Variants in SLC12A1 observed in about 807,000 individuals in gnomAD.
SLC12A1 encodes Na-K-2Cl cotransporter.
Under a neutral mutation model 130.4 loss-of-function variants are expected in SLC12A1, and 89 were observed. That is an observed-to-expected ratio of 0.68 (90% CI 0.58 to 0.81). SLC12A1 has a LOEUF of 0.81. Among genes scored for constraint, SLC12A1 ranks in the 40% least tolerant of loss-of-function variants. The probability of loss-of-function intolerance (pLI) is 0.00; values close to 1 mark genes in which losing one functional copy is unlikely to be tolerated. For missense variants in SLC12A1, 1,310 were observed against 1,336.4 expected (o/e 0.98, Z 0.31); for synonymous variants, 499 against 460.0 (o/e 1.08, Z -1.09).
Position 48,234,961 on chromosome 15 carries a change from C to T in SLC12A1, c.1172C>T (p.Ala391Val). ...GTCTTTGCCATTTTTTTCCCAGCAG[C>T]TACTGGGATTCTTGCTGGTGCCAAT... ...FSVFAIFFPA[A>V]TGILAGANIS... The change falls in exon 9 of 27, where the codon GCT becomes GTT. Residue 391 changes from alanine to valine, a missense_variant. Transcript: ENST00000380993. The T allele has an allele frequency of 6.2e-7, 1 of 1,613,868 alleles. No homozygotes were observed. The highest frequency in any genetic ancestry group is 1.1e-5 in the South Asian group (1 of 91,074).
intron 26 of SLC12A1, among the ~76,000 whole-genome samples, chr15:48,302,482 CGG>C (rs2042244581): frequency 6.7e-6 from 1 of 150,202 alleles, no homozygotes; most frequent in Non-Finnish European, 1.5e-5. Context: ...TAGCCGGGCG[CGG>C]TGGCGGGCGC....
chr15:48,288,142 C>A lies in SLC12A1; in HGVS notation c.2729C>A (p.Thr910Lys), dbSNP rs376638457. The A allele has an allele frequency of 1.9e-6, 3 of 1,609,722 alleles. No homozygotes were observed. The highest frequency in any genetic ancestry group is 4.5e-5 in the East Asian group (2 of 44,832). Reference sequence around the variant, plus strand: ...TTTAAAAAGAAACAAGAAAAAGGCACAATTGATGTTTGGTGGTTGTTTGAT... The same window carrying A: ...TTTAAAAAGAAACAAGAAAAAGGCAAAATTGATGTTTGGTGGTTGTTTGAT... ...TQFKKKQEKG[T>K]IDVWWLFDDG... is the part of the protein sequence containing the mutation. The change falls in exon 22 of 27, where the codon ACA becomes AAA. Residue 910 changes from threonine to lysine, a missense_variant. Physicochemically the swap from Thr to Lys is moderately conservative, Grantham distance 78 (BLOSUM62 -1). Coordinates refer to ENST00000380993, the MANE Select transcript of SLC12A1 (RefSeq NM_000338.3).
At position 48,220,741 on chromosome 15, in the gene SLC12A1, G is replaced by A; in HGVS notation, c.528G>A (p.Lys176=). ...AAGATGATCAAGCTGGTGTTGTGAA[G>A]TTTGGATGGGTGAAAGGTGTGCTGG... ...NKEDDQAGVV[K]FGWVKGVLVR... is the part of the protein sequence containing the mutation. Residue 176 remains lysine, a synonymous_variant, in exon 3 of 27, where the codon AAG becomes AAA. Transcript: ENST00000380993. 1.9e-6 allele frequency: 3 copies of A among 1,613,962 alleles called. No individual in the cohort carries two copies. The highest frequency in any genetic ancestry group is 2.5e-6 in the Non-Finnish European group (3 of 1,179,882).
chr15:48,220,806 C>G, intron 3 of SLC12A1, 41 bp downstream of exon 3: 1 of 1,613,238 alleles, frequency 6.2e-7, no homozygotes, highest in Non-Finnish European at 8.5e-7. Flanking sequence ...ACTATCCATT[C>G]AATGTTCTAG....
chr15:48,281,838 T>G (rs891372801), intron 20 of SLC12A1, among the ~76,000 whole-genome samples: 1 of 152,200 alleles, frequency 6.6e-6, no homozygotes, highest in African/African-American at 2.4e-5. Flanking sequence ...CATTCGTTCA[T>G]ACTCTCTTGG....
chr15:48,292,968 T>G (rs1160531452), intron 24 of SLC12A1, among the ~76,000 whole-genome samples: 1 of 152,016 alleles, frequency 6.6e-6, no homozygotes, highest in Non-Finnish European at 1.5e-5. Flanking sequence ...CAGGCTGGAG[T>G]GTAGCAGTGC....
At chr15:48,251,917 A>G in intron 15 of SLC12A1, 147 bp downstream of exon 15, 2 of 706,444 alleles carry the variant, frequency 2.8e-6, no homozygotes, top group Non-Finnish European at 4.6e-6. Flanking sequence ...TAGTAACAAT[A>G]GTTGGGGCCG....
rs865839110 is a variant in SLC12A1 at position 48,228,858 on chromosome 15, T to C, written c.725-331T>C. 21 of 182,244 alleles carry C rather than the reference T, an allele frequency of 1.2e-4. No individual in the cohort carries two copies. In the South Asian group the frequency reaches 2.5e-3, roughly 22 times the overall value. 11.3% of individuals were successfully genotyped at this position (182,244 alleles called of 1,614,324 possible). ...TTTTTATATAAAATTTTACTTCAGT[T>C]GCATTATTAATTTGAATACTCCAAT... On this transcript the variant is annotated intron_variant, in intron 5 of 26. Transcript: ENST00000380993.
At chr15:48,263,485 A>T (rs1233874012) in intron 17 of SLC12A1, among the ~76,000 whole-genome samples, 2 of 152,178 alleles carry the variant, frequency 1.3e-5, no homozygotes, top group Admixed American at 1.3e-4. Context: ...GTTGAATCAT[A>T]TAAAATTTGC....
chr15:48,274,744 G>C (rs2041932991), intron 20 of SLC12A1, 91 bp downstream of exon 20: 23 of 782,542 alleles, frequency 2.9e-5, no homozygotes, highest in Non-Finnish European at 4.9e-5. Flanking sequence ...GCACAATATA[G>C]ACAAAACTCC....
chr15:48,250,711 C>A (rs898802989), intron 14 of SLC12A1, among the ~76,000 whole-genome samples: 2 of 151,498 alleles, frequency 1.3e-5, no homozygotes, highest in African/African-American at 4.8e-5. Context: ...CACACACGGA[C>A]GGGAAGCCAG....
chr15:48,230,040 C>T (rs2041351311), intron 6 of SLC12A1, among the ~76,000 whole-genome samples: 1 of 152,152 alleles, frequency 6.6e-6, no homozygotes, highest in African/African-American at 2.4e-5. Flanking sequence ...TGTAAACCAT[C>T]CGTTTTTATT....
chr15:48,234,154 G>T (rs2041411749), intron 8 of SLC12A1, among the ~76,000 whole-genome samples: 1 of 152,134 alleles, frequency 6.6e-6, no homozygotes, highest in Non-Finnish European at 1.5e-5. Context: ...CCAGTGTGTT[G>T]ATTGTTTATG....
chr15:48,296,123 C>T (rs756486643), intron 24 of SLC12A1, among the ~76,000 whole-genome samples: 3 of 152,174 alleles, frequency 2.0e-5, no homozygotes, highest in Admixed American at 6.5e-5. Context: ...CCGGGCAGCC[C>T]TTACCTACTG....
At chr15:48,291,698 A>C in intron 23 of SLC12A1, 80 bp from the exon 24 acceptor site, 1 of 855,988 alleles carries the variant, frequency 1.2e-6, no homozygotes, top group Non-Finnish European at 1.9e-6. Context: ...TGCTTTTGAT[A>C]TCTTAACTCA....
At chr15:48,259,756 T>C (rs551529923) in intron 17 of SLC12A1, among the ~76,000 whole-genome samples, 1 of 152,330 alleles carries the variant, frequency 6.6e-6, no homozygotes, top group South Asian at 2.1e-4. Flanking sequence ...TTTGGATAAG[T>C]TTGATGACAT....
chr15:48,223,726 C>T (rs1199505907), intron 4 of SLC12A1: 6 of 152,164 alleles, frequency 3.9e-5, no homozygotes, highest in African/African-American at 1.4e-4. Flanking sequence ...AATAAATCAC[C>T]TTTAGTGGCA....
intron 8 of SLC12A1, 44 bp from the exon 9 acceptor site, chr15:48,234,833 T>C (rs1166023839): frequency 6.2e-7 from 1 of 1,600,562 alleles, no homozygotes; most frequent in South Asian, 1.1e-5. Context: ...TCCTGTACTG[T>C]GAAAAATGTC....
intron 2 of SLC12A1, among the ~76,000 whole-genome samples, chr15:48,220,112 A>C (rs2041183519): frequency 5.6e-4 from 4 of 7,112 alleles, no homozygotes; most frequent in South Asian, 7.5e-3. Flanking sequence ...CTGCCTCAAA[A>C]AAAAAAAAAA....
Sources: allele counts gnomAD v4.1 joint callset (sites outside exome capture counted in the v4.1 genomes callset), GRCh38; gene constraint gnomAD v4.1.1; transcripts MANE v1.5; gene names NCBI Gene and HGNC (gene_info 2026-07-23, HGNC 2026-07-21).